Variants in DLST observed in about 807,000 individuals in gnomAD.
The protein encoded by DLST is dihydrolipoamide S-succinyltransferase.
Under a neutral mutation model 53.1 loss-of-function variants are expected in DLST, and 17 were observed. The ratio of observed to expected loss-of-function variants is 0.32; its 90% CI spans 0.22 to 0.48. The LOEUF (loss-of-function observed/expected upper bound fraction) is 0.48. Ranked by LOEUF, DLST falls within the 20% of genes least tolerant of loss-of-function variation. The probability of loss-of-function intolerance (pLI) is 0.99; values close to 1 mark genes in which losing one functional copy is unlikely to be tolerated. For missense variants in DLST, 512 were observed against 583.9 expected (o/e 0.88, Z 1.27); for synonymous variants, 206 against 204.8 (o/e 1.01, Z -0.05).
intron 1 of DLST, among the ~76,000 whole-genome samples, 165 bp from the exon 2 acceptor site, chr14:74,882,426 C>T (rs536341156): frequency 6.6e-6 from 1 of 152,254 alleles, no homozygotes; most frequent in African/African-American, 2.4e-5. Flanking sequence ...TTGGCAGGCC[C>T]AGCGTGTTGA....
intron 11 of DLST, 96 bp from the exon 12 acceptor site, chr14:74,899,827 A>C (rs2064107261): frequency 2.1e-6 from 2 of 967,062 alleles, no homozygotes; most frequent in Non-Finnish European, 1.6e-6. Flanking sequence ...CACTGTATCA[A>C]GCTCTGCAGA....
chr14:74,894,739 G>A (rs1247462513), intron 10 of DLST, among the ~76,000 whole-genome samples: 1 of 151,812 alleles, frequency 6.6e-6, no homozygotes, highest in African/African-American at 2.4e-5. Flanking sequence ...AGTGGAGACG[G>A]GGTTTCACCG....
At chr14:74,895,476 C>T (rs764557859) in intron 10 of DLST, among the ~76,000 whole-genome samples, 7 of 152,204 alleles carry the variant, frequency 4.6e-5, no homozygotes, top group Non-Finnish European at 8.8e-5. Flanking sequence ...GGGATAGACG[C>T]TGGGCACCAT....
At chr14:74,898,188 T>G (rs193154559) in intron 10 of DLST, among the ~76,000 whole-genome samples, 181 bp from the exon 11 acceptor site, 1 of 152,278 alleles carries the variant, frequency 6.6e-6, no homozygotes, top group African/African-American at 2.4e-5. Context: ...TCCTGTAGAT[T>G]TCTTTGTAAA....
chr14:74,882,180 G>A (rs1883543051), intron 1 of DLST, among the ~76,000 whole-genome samples, 164 bp downstream of exon 1: 3 of 152,100 alleles, frequency 2.0e-5, no homozygotes, highest in Admixed American at 1.3e-4. Context: ...GGTTGCCCTC[G>A]GGACCGTTTT....
intron 7 of DLST, chr14:74,892,187 A>T (rs985497617): frequency 6.6e-6 from 1 of 152,254 alleles, no homozygotes; most frequent in Admixed American, 6.5e-5. Context: ...AGTTCAAGTG[A>T]TTCTCCTGCC....
At position 74,881,982 on chromosome 14, in the gene DLST, G is replaced by C. The variant is rs753313643; in HGVS notation, c.29G>C (p.Arg10Pro). The C allele has an allele frequency of 1.9e-6, 3 of 1,572,212 alleles. No homozygotes were observed. Among genetic ancestry groups the C allele is most frequent in the Non-Finnish European group, 2.6e-6 (3 of 1,167,166 alleles). ...CTGTCCCGATCCCGCTGTGTGTCTC[G>C]GGCGTTCAGCCGCTCGCTCTCCGCC... MLSRSRCVS[R>P]AFSRSLSAFQ... Residue 10 changes from arginine to proline, a missense_variant, in exon 1 of 15, where the codon CGG becomes CCG. Arg to Pro is a moderately radical substitution (Grantham distance 103, BLOSUM62 -2). Coordinates refer to ENST00000334220, the MANE Select transcript of DLST (RefSeq NM_001933.5).
At position 74,898,483 on chromosome 14, in the gene DLST, G is replaced by T. The variant is rs1333645311; in HGVS notation, c.885G>T (p.Gln295His). 6.2e-7 allele frequency: 1 copy of T among 1,614,146 alleles called. No individual in the cohort carries two copies. The highest frequency in any genetic ancestry group is 8.5e-7 in the Non-Finnish European group (1 of 1,180,012). Residue 295 changes from glutamine to histidine, a missense_variant, in exon 11 of 15, where the codon CAG (glutamine) becomes CAT (histidine). Gln to His is a conservative substitution (Grantham distance 24, BLOSUM62 0). Transcript: ENST00000334220. ...VKASAFALQEQPVVNAVIDDT... is the reference protein window; with the variant it reads ...VKASAFALQEHPVVNAVIDDT... ...CCTCAGCCTTTGCCTTGCAGGAACA[G>T]CCTGTTGTAAATGCAGGTGAGTTGC...
Position 74,889,156 on chromosome 14 carries a change from C to T in DLST, c.199+9C>T. On this transcript the variant is annotated intron_variant, in intron 4 of 14. Coordinates refer to ENST00000334220, the MANE Select transcript of DLST (RefSeq NM_001933.5). ...AACTACAGCTGTATGCAGTAAGTAC[C>T]TGCTTTCTTGGGAATGGAATTTTAT... is the stretch of plus-strand genomic sequence containing the variant. 6.2e-7 allele frequency: 1 copy of T among 1,613,994 alleles called. No individual in the cohort carries two copies. The highest frequency in any genetic ancestry group is 8.5e-7 in the Non-Finnish European group (1 of 1,179,892).
chr14:74,899,911 T>C lies in DLST; in HGVS notation c.902-12T>C. ...GGGGAGTTGTATGTAACATGTATTT[T>C]CTCTCTCATAGTGATTGACGACACA... On this transcript the variant is annotated splice_polypyrimidine_tract_variant and intron_variant, in intron 11 of 14. Transcript: ENST00000334220. The C allele has an allele frequency of 6.2e-7, 1 of 1,607,018 alleles. No individual in the cohort carries two copies. The highest frequency in any genetic ancestry group is 8.5e-7 in the Non-Finnish European group (1 of 1,175,858).
chr14:74,890,738 C>T (rs546193578), intron 6 of DLST, among the ~76,000 whole-genome samples: 3 of 151,878 alleles, frequency 2.0e-5, no homozygotes, highest in Non-Finnish European at 2.9e-5. Flanking sequence ...TGTTTTGAGA[C>T]GTTTCGCTCT....
intron 10 of DLST, among the ~76,000 whole-genome samples, chr14:74,897,911 A>T (rs1173610639): frequency 2.0e-5 from 3 of 150,034 alleles, no homozygotes; most frequent in Admixed American, 6.6e-5. Context: ...GGAATATCAC[A>T]CGGGAGTTAT....
chr14:74,885,275 A>G (rs1445076862), intron 2 of DLST, among the ~76,000 whole-genome samples: 1 of 152,244 alleles, frequency 6.6e-6, no homozygotes, highest in Non-Finnish European at 1.5e-5. Flanking sequence ...GAAAACATAC[A>G]GGAATAATGA....
intron 13 of DLST, 111 bp downstream of exon 13, chr14:74,900,483 G>A (rs1174960023): frequency 1.1e-6 from 1 of 894,032 alleles, no homozygotes; most frequent in Non-Finnish European, 1.8e-6. Flanking sequence ...CATAGCCCCT[G>A]AGAAAAGCAG....
rs1438959148 is a variant in DLST at position 74,903,642 on chromosome 14, G to A, written c.*1312G>A. On this transcript the variant is annotated 3_prime_UTR_variant, in exon 15 of 15. Coordinates refer to ENST00000334220, the MANE Select transcript of DLST (RefSeq NM_001933.5). ...GAAGGGGTGGGAGCCAATACTGAGT[G>A]CCTGCAGCATCTACTACTCTGTCTT... 2 of 151,996 alleles carry A rather than the reference G, an allele frequency of 1.3e-5. No homozygotes were observed. Among genetic ancestry groups the A allele is most frequent in the Admixed American group, 6.6e-5 (1 of 15,266 alleles). 9.4% of individuals were successfully genotyped at this position (151,996 alleles called of 1,614,324 possible).
At chr14:74,892,295 A>G (rs1054878434) in intron 7 of DLST, among the ~76,000 whole-genome samples, 1 of 152,032 alleles carries the variant, frequency 6.6e-6, no homozygotes, top group South Asian at 2.1e-4. Context: ...GTTGGCCAGG[A>G]TGGTTTTGAT....
rs1399004544 is a variant in DLST, at chr14:74,899,935, C to T, written c.914C>T (p.Thr305Ile). 1.9e-6 allele frequency: 3 copies of T among 1,612,888 alleles called. No individual in the cohort carries two copies. In the African/African-American group the frequency reaches 4.0e-5, roughly 22 times the overall value. ...QPVVNAVIDD[T>I]TKEVVYRDYI... ...TTCTCTCTCATAGTGATTGACGACA[C>T]AACCAAAGAGGTGGTGTATAGGGAT... is the stretch of plus-strand genomic sequence containing the variant. The change falls in exon 12 of 15, where the codon ACA (threonine) becomes ATA (isoleucine). Residue 305 changes from threonine to isoleucine, a missense_variant. By Grantham distance (89) the Thr-to-Ile change is moderately conservative. Around this residue, in one of 4 missense-constraint regions of DLST, gnomAD observed 186 missense variants for 260.4 expected, o/e 0.71. Transcript: ENST00000334220.
chr14:74,898,228 A>T, intron 10 of DLST, 141 bp from the exon 11 acceptor site: 1 of 1,031,822 alleles, frequency 9.7e-7, no homozygotes, highest in Non-Finnish European at 1.4e-6. Context: ...AACCTCAGGT[A>T]GACTATTTCA....
Position 74,891,037 on chromosome 14 carries a change from A to G in DLST, c.331-19A>G, listed in dbSNP as rs375315980. 5 of 1,602,578 alleles carry G rather than the reference A, an allele frequency of 3.1e-6. No individual in the cohort carries two copies. The highest frequency in any genetic ancestry group is 2.1e-4 in the Middle Eastern group (1 of 4,718). ...CTGGATAAACATTTGGACTTCCTCC[A>G]TCTGTCTTCCTCTTCCAGACATCTG... On this transcript the variant is annotated intron_variant, in intron 6 of 14. Transcript: ENST00000334220.
Sources: gnomAD v4.1 joint callset for allele counts (sites outside exome capture counted in the v4.1 genomes callset) on GRCh38, gnomAD v4.1.1 for gene constraint, gnomAD v4.1.1 regional missense constraint, MANE v1.5 for transcripts, NCBI Gene and HGNC (gene_info 2026-07-23, HGNC 2026-07-21) for gene names.